The following CNTN4 variants were observed in gnomAD, a reference collection of about 807,000 sequenced individuals.
CNTN4 encodes contactin 4, also known as contactin-4.
A neutral mutation model predicts 122.5 loss-of-function variants in CNTN4; 77 were observed. The observed-to-expected ratio is 0.63, with a 90% CI of 0.52 to 0.76. The LOEUF is 0.76. Ranked by LOEUF, CNTN4 falls within the 30% of genes least tolerant of loss-of-function variation. CNTN4 has a pLI of 0.00. For missense variants in CNTN4, 1,256 were observed against 1,259.1 expected, an observed-to-expected ratio of 1.00 and a Z score of 0.04; for synonymous variants, 512 against 447.0, an observed-to-expected ratio of 1.15 and a Z score of -1.83.
intron 14 of CNTN4, among the ~76,000 whole-genome samples, chr3:3,004,007 G>A (rs897914605): frequency 1.3e-5 from 2 of 152,036 alleles, no homozygotes; most frequent in Admixed American, 6.6e-5. Flanking sequence ...TGATTCTCCC[G>A]TCTCAGCCTC....
At chr3:2,796,405 A>G (rs1171875213) in intron 6 of CNTN4, among the ~76,000 whole-genome samples, 1 of 152,114 alleles carries the variant, frequency 6.6e-6, no homozygotes. Flanking sequence ...CTTTTGGCAT[A>G]CCCTAATCTA....
chr3:3,026,081 TGTTTTG>T lies in CNTN4; in HGVS notation c.1487-20_1487-15del. ...CACAGACTTTGTTGTTGTTATTGTT[TGTTTTG>T]TTTTAACTCTCCAGATCCAACAAGG... On this transcript the variant is annotated splice_polypyrimidine_tract_variant and intron_variant, in intron 14 of 24. Transcript: ENST00000418658. 6.2e-7 allele frequency: 1 copy of T among 1,608,646 alleles called. No individual in the cohort carries two copies. Among genetic ancestry groups the T allele is most frequent in the African/African-American group, 1.3e-5 (1 of 74,908 alleles).
intron 15 of CNTN4, among the ~76,000 whole-genome samples, chr3:3,030,203 C>A (rs1388626604): frequency 6.6e-6 from 1 of 152,072 alleles, no homozygotes; most frequent in Non-Finnish European, 1.5e-5. Flanking sequence ...ACTGTGCTGG[C>A]GAATGCTGGA....
intron 3 of CNTN4, among the ~76,000 whole-genome samples, chr3:2,492,017 G>A (rs979620609): frequency 2.0e-5 from 3 of 151,840 alleles, no homozygotes; most frequent in Admixed American, 6.6e-5. Context: ...AGGGAATTTA[G>A]ACTATATCAC....
intron 3 of CNTN4, among the ~76,000 whole-genome samples, chr3:2,479,198 AAAT>A (rs1159239562): frequency 6.6e-6 from 1 of 152,196 alleles, no homozygotes; most frequent in Admixed American, 6.5e-5. Flanking sequence ...TAAGAGAAAA[AAAT>A]AATAACTTTA....
intron 4 of CNTN4, among the ~76,000 whole-genome samples, chr3:2,666,163 A>G (rs971661285): frequency 6.6e-6 from 1 of 152,238 alleles, no homozygotes; most frequent in Non-Finnish European, 1.5e-5. Flanking sequence ...TAGAAGAGAC[A>G]TAACAATGAA....
intron 2 of CNTN4, among the ~76,000 whole-genome samples, chr3:2,222,812 A>G (rs1360819835): frequency 6.6e-6 from 1 of 152,146 alleles, no homozygotes; most frequent in East Asian, 1.9e-4. Flanking sequence ...TGTAAGTCAG[A>G]TTGTCATTCT....
chr3:2,541,302 G>A (rs1046457045), intron 3 of CNTN4, among the ~76,000 whole-genome samples: 2 of 152,022 alleles, frequency 1.3e-5, no homozygotes, highest in Non-Finnish European at 2.9e-5. Flanking sequence ...CTGGAGTGAG[G>A]TGAGGCTATA....
intron 4 of CNTN4, among the ~76,000 whole-genome samples, chr3:2,623,510 T>A (rs1368134130): frequency 6.6e-6 from 1 of 151,952 alleles, no homozygotes; most frequent in African/African-American, 2.4e-5. Flanking sequence ...GCAGGGGAGG[T>A]CAGAGGATAG....
intron 14 of CNTN4, among the ~76,000 whole-genome samples, chr3:3,010,251 C>G (rs565376672): frequency 2.0e-5 from 3 of 152,144 alleles, no homozygotes; most frequent in African/African-American, 7.2e-5. Flanking sequence ...TTTTAAACAG[C>G]ATCTTCCAGT....
chr3:3,007,802 G>A (rs1353042010), intron 14 of CNTN4, among the ~76,000 whole-genome samples: 2 of 152,208 alleles, frequency 1.3e-5, no homozygotes, highest in African/African-American at 4.8e-5. Context: ...TGGGAGCAAT[G>A]AGGAAGTGAC....
chr3:3,042,900 C>A, intron 21 of CNTN4, 77 bp from the exon 22 acceptor site: 2 of 1,164,944 alleles, frequency 1.7e-6, no homozygotes, highest in Non-Finnish European at 2.6e-6. Context: ...TAAGAATCTG[C>A]GTACAAAATT....
chr3:2,463,493 C>A (rs1362506580), intron 3 of CNTN4, among the ~76,000 whole-genome samples: 1 of 152,168 alleles, frequency 6.6e-6, no homozygotes. Flanking sequence ...GGTGCGGTGG[C>A]CCACGCCTGT....
chr3:2,898,459 A>G (rs2151110689), intron 10 of CNTN4, among the ~76,000 whole-genome samples: 1 of 152,272 alleles, frequency 6.6e-6, no homozygotes, highest in East Asian at 1.9e-4. Flanking sequence ...GAAGAGACAG[A>G]ATGAGCCCTC....
At chr3:2,605,933 GGATGTGAAT>G (rs1366515096) in intron 4 of CNTN4, among the ~76,000 whole-genome samples, 2 of 152,116 alleles carry the variant, frequency 1.3e-5, no homozygotes, top group Non-Finnish European at 2.9e-5. Context: ...TTAATCAAGG[GGATGTGAAT>G]GATGTAAGTG....
At chr3:2,855,029 C>T (rs979137869) in intron 7 of CNTN4, among the ~76,000 whole-genome samples, 8 of 152,164 alleles carry the variant, frequency 5.3e-5, no homozygotes, top group Non-Finnish European at 7.4e-5. Context: ...GCTGATGGTA[C>T]GAGTGACCCG....
intron 3 of CNTN4, among the ~76,000 whole-genome samples, chr3:2,547,420 C>G (rs546265706): frequency 1.3e-5 from 2 of 152,010 alleles, no homozygotes; most frequent in African/African-American, 2.4e-5. Context: ...TGCTCACCAC[C>G]ATGCCCAGCT....
At chr3:3,003,701 AAAAAAAAAAAAAAC>A (rs1696286489) in intron 14 of CNTN4, among the ~76,000 whole-genome samples, 4 of 144,580 alleles carry the variant, frequency 2.8e-5, no homozygotes, top group East Asian at 3.9e-4. Flanking sequence ...AAAAAAAAAA[AAAAAAAAAAAAAAC>A]AAAAAAACCC....
At chr3:2,999,704 T>G (rs1695857847) in intron 14 of CNTN4, among the ~76,000 whole-genome samples, 1 of 152,164 alleles carries the variant, frequency 6.6e-6, no homozygotes, top group Admixed American at 6.5e-5. Context: ...TCTTTTATAA[T>G]GACACCTAAC....
Sources: allele counts gnomAD v4.1 joint callset (sites outside exome capture counted in the v4.1 genomes callset), GRCh38; gene constraint gnomAD v4.1.1; transcripts MANE v1.5; gene names NCBI Gene and HGNC (gene_info 2026-07-23, HGNC 2026-07-21).